OSBPL5: variants seen among roughly 807,000 people sequenced by gnomAD.
The protein encoded by OSBPL5 is oxysterol binding protein like 5, also known as oxysterol-binding protein-related protein 5.
In OSBPL5, 71 loss-of-function variants were observed where a neutral mutation model predicts 111.2. That is an observed-to-expected ratio of 0.64 (90% CI 0.53 to 0.78). OSBPL5 has a LOEUF of 0.78. Ranked by LOEUF, OSBPL5 falls within the 30% of genes least tolerant of loss-of-function variation. OSBPL5 has a pLI of 0.00. For missense variants in OSBPL5, 1,210 were observed against 1,189.3 expected (o/e 1.02, Z -0.26); for synonymous variants, 549 against 513.9 (o/e 1.07, Z -0.93).
At chr11:3,143,388 G>T (rs949184861) in intron 1 of OSBPL5, among the ~76,000 whole-genome samples, 4 of 152,340 alleles carry the variant, frequency 2.6e-5, no homozygotes, top group African/African-American at 9.6e-5. Flanking sequence ...CACGCCCCCA[G>T]GTGGTCCGCG....
At chr11:3,124,154 C>T (rs564133907) in intron 3 of OSBPL5, among the ~76,000 whole-genome samples, 9 of 152,272 alleles carry the variant, frequency 5.9e-5, no homozygotes, top group East Asian at 3.9e-4. Flanking sequence ...GAAGAGCCTA[C>T]GCACAGAGAG....
At chr11:3,128,223 C>G (rs541897286) in intron 2 of OSBPL5, among the ~76,000 whole-genome samples, 2 of 152,220 alleles carry the variant, frequency 1.3e-5, no homozygotes, top group African/African-American at 2.4e-5. Flanking sequence ...CCCACTCCCC[C>G]CAGGGCAGAT....
chr11:3,100,728 G>A (rs75733916), intron 13 of OSBPL5, among the ~76,000 whole-genome samples: 1,866 of 152,196 alleles, frequency 0.012, 32 homozygotes, highest in African/African-American at 0.043. Flanking sequence ...GCAGAGAGCC[G>A]AGCACACAGA....
chr11:3,104,200 G>A lies in OSBPL5; in HGVS notation c.1237C>T (p.Leu413Phe). 6.2e-7 allele frequency: 1 copy of A among 1,606,336 alleles called. No individual in the cohort carries two copies. Among genetic ancestry groups the A allele is most frequent in the Non-Finnish European group, 8.5e-7 (1 of 1,174,122 alleles). The change falls in exon 10 of 22, where the codon CTC becomes TTC. Residue 413 changes from leucine (L) to phenylalanine (F), a missense_variant. Coordinates refer to ENST00000263650, the MANE Select transcript of OSBPL5 (RefSeq NM_020896.4). This position sits in a 1 kb window ranked among gnomAD's most constrained non-coding sequence, Gnocchi z 5.0. ...LSDYYYHADL[L>F]SRAAVEEDAY... Reference sequence around the variant, plus strand: ...TCCCGGCATGGCGCGCACCTGGAGAGCAGGTCTGCGTGGTAGTAGTAGTCG... The same window carrying A: ...TCCCGGCATGGCGCGCACCTGGAGAACAGGTCTGCGTGGTAGTAGTAGTCG...
chr11:3,111,971 A>ATGTGTGTG (rs1491583019), intron 7 of OSBPL5, among the ~76,000 whole-genome samples: 3 of 115,422 alleles, frequency 2.6e-5, no homozygotes, highest in African/African-American at 5.9e-5. Context: ...GTGTGTGTGC[A>ATGTGTGTG]TATGTGTGCG....
chr11:3,119,321 G>A (rs1325482105), intron 7 of OSBPL5, among the ~76,000 whole-genome samples: 1 of 152,168 alleles, frequency 6.6e-6, no homozygotes. Flanking sequence ...TTTGACAGGT[G>A]GTATTTTAAT....
intron 1 of OSBPL5, among the ~76,000 whole-genome samples, chr11:3,131,926 TGTCCATCCATCCATCCATCCATCC>T (rs1564850473): frequency 1.9e-4 from 4 of 21,486 alleles, no homozygotes; most frequent in African/African-American, 7.6e-4. Flanking sequence ...TCCATCCTCC[TGTCCATCCATCCATCCATCCATCC>T]ATCCATCCAT....
intron 1 of OSBPL5, among the ~76,000 whole-genome samples, chr11:3,131,537 AT>A (rs1858835616): frequency 7.2e-6 from 1 of 138,606 alleles, no homozygotes; most frequent in African/African-American, 2.8e-5. Flanking sequence ...TCATCCATCC[AT>A]CCATCCATCC....
chr11:3,119,659 C>A, intron 6 of OSBPL5, 28 bp from the exon 7 acceptor site: 2 of 1,571,018 alleles, frequency 1.3e-6, no homozygotes, highest in Non-Finnish European at 1.7e-6. Context: ...TGGGTGTCAC[C>A]CGAGGCAACA....
intron 15 of OSBPL5, 67 bp from the exon 16 acceptor site, chr11:3,093,902 T>C: frequency 7.2e-6 from 11 of 1,528,030 alleles, no homozygotes; most frequent in Non-Finnish European, 9.7e-6. Flanking sequence ...CACATCCTCA[T>C]GGGGGCACGG....
Position 3,129,113 on chromosome 11 carries a change from G to A in OSBPL5, c.36C>T (p.Ser12=), listed in dbSNP as rs1858737795. The change falls in exon 2 of 22, where the codon TCC becomes TCT. Residue 12 remains serine (S), a synonymous_variant. Transcript: ENST00000263650. ...GAGGGGTGGAGGAAGGTGGACACAG[G>A]GAGAAGCGGCGCCGGAGGAAGGCCT... ...KEEAFLRRRF[S]LCPPSSTPQK... 2 of 1,517,206 alleles carry A rather than the reference G, an allele frequency of 1.3e-6. No individual in the cohort carries two copies. Among genetic ancestry groups the A allele is most frequent in the Non-Finnish European group, 1.8e-6 (2 of 1,132,064 alleles). 94.0% of individuals were successfully genotyped at this position (1,517,206 alleles called of 1,614,324 possible). A position where few individuals can be genotyped will look rare whatever the true frequency, so the allele number is the denominator to read the frequency against.
At chr11:3,123,068 A>G (rs1271904436) in intron 3 of OSBPL5, among the ~76,000 whole-genome samples, 1 of 152,176 alleles carries the variant, frequency 6.6e-6, no homozygotes, top group Middle Eastern at 3.2e-3. Flanking sequence ...TGCCCACCCC[A>G]TCCCCTGGGA....
intron 1 of OSBPL5, among the ~76,000 whole-genome samples, chr11:3,148,195 G>A (rs938124037): frequency 3.9e-5 from 6 of 152,320 alleles, no homozygotes; most frequent in African/African-American, 1.4e-4. Flanking sequence ...GTCGGAAACC[G>A]CACCTGCTGA....
Position 3,104,232 on chromosome 11 carries a change from T to C in OSBPL5, c.1205A>G (p.Lys402Arg), listed in dbSNP as rs1208339299. The C allele has an allele frequency of 6.2e-7, 1 of 1,612,746 alleles. No homozygotes were observed. Among genetic ancestry groups the C allele is most frequent in the Non-Finnish European group, 8.5e-7 (1 of 1,179,048 alleles). Reference protein sequence around the residue: ...FVLEPRSFLNKLSDYYYHADL... With the variant: ...FVLEPRSFLNRLSDYYYHADL... ...TGCGTGGTAGTAGTAGTCGGAGAGC[T>C]TGTTCAGGAAGGAGCGCGGCTCCAG... is the stretch of plus-strand genomic sequence containing the variant. Residue 402 changes from lysine to arginine, a missense_variant, in exon 10 of 22, where the codon AAG (lysine) becomes AGG (arginine). Lys to Arg is a conservative substitution (Grantham distance 26, BLOSUM62 2). Transcript: ENST00000263650. The surrounding 1 kb of genome is among the most constrained non-coding windows in gnomAD (Gnocchi z 5.0).
intron 13 of OSBPL5, among the ~76,000 whole-genome samples, chr11:3,100,976 T>G: frequency 9.7e-6 from 1 of 103,066 alleles, no homozygotes; most frequent in African/African-American, 4.9e-5. Context: ...CATTTCTTTT[T>G]TTTTTTTTTT....
intron 7 of OSBPL5, among the ~76,000 whole-genome samples, chr11:3,108,492 G>T (rs1236982574): frequency 6.6e-6 from 1 of 152,166 alleles, no homozygotes; most frequent in African/African-American, 2.4e-5. Flanking sequence ...GCTGAGGAGG[G>T]GCTTGCACAC....
At chr11:3,157,119 T>C (rs996063737) in intron 1 of OSBPL5, among the ~76,000 whole-genome samples, 4 of 152,218 alleles carry the variant, frequency 2.6e-5, no homozygotes, top group Admixed American at 1.3e-4. Flanking sequence ...CTTCACGCAC[T>C]AATGATCAGA....
At chr11:3,103,893 T>A (rs79411157) in intron 10 of OSBPL5, among the ~76,000 whole-genome samples, 52,195 of 109,434 alleles carry the variant, frequency 0.48, 12,285 homozygotes, top group East Asian at 0.8. Flanking sequence ...GCCCCATTCC[T>A]GCCTCTGCAG....
At chr11:3,122,811 G>A (rs1189866525) in intron 3 of OSBPL5, among the ~76,000 whole-genome samples, 1 of 152,202 alleles carries the variant, frequency 6.6e-6, no homozygotes, top group Non-Finnish European at 1.5e-5. Context: ...CACCTGGGAG[G>A]CCGCTGAGGA....
Sources: allele counts gnomAD v4.1 joint callset (sites outside exome capture counted in the v4.1 genomes callset), GRCh38; gene constraint gnomAD v4.1.1; non-coding constraint Gnocchi (gnomAD v3.1); transcripts MANE v1.5; gene names NCBI Gene and HGNC (gene_info 2026-07-23, HGNC 2026-07-21).